The following COG5 variants were observed in gnomAD, a reference collection of about 807,000 sequenced individuals.
COG5 encodes the protein conserved oligomeric Golgi complex subunit 5.
COG5 carries 86 observed loss-of-function variants against 110.4 expected under a neutral mutation model. The ratio of observed to expected loss-of-function variants is 0.78; its 90% CI spans 0.65 to 0.93. The LOEUF (loss-of-function observed/expected upper bound fraction) is 0.93. Ranked by LOEUF, COG5 falls within the 40% of genes least tolerant of loss-of-function variation. The probability of loss-of-function intolerance (pLI) is 0.00; values close to 1 mark genes in which losing one functional copy is unlikely to be tolerated. For missense variants in COG5, 1,077 were observed against 987.0 expected (o/e 1.09, Z -1.22); for synonymous variants, 360 against 334.6 (o/e 1.08, Z -0.83).
intron 10 of COG5, among the ~76,000 whole-genome samples, chr7:107,338,904 C>A (rs928051914): frequency 6.6e-6 from 1 of 152,004 alleles, no homozygotes; most frequent in Non-Finnish European, 1.5e-5. Context: ...AAGAATGATA[C>A]CTGTTACTAC....
chr7:107,486,359 CCT>C (rs1157647443), intron 6 of COG5, among the ~76,000 whole-genome samples: 1 of 151,670 alleles, frequency 6.6e-6, no homozygotes, highest in Non-Finnish European at 1.5e-5. Flanking sequence ...ATTTTCAACC[CCT>C]GATCACAAAT....
chr7:107,292,597 G>C (rs1319369219), intron 12 of COG5, among the ~76,000 whole-genome samples: 1 of 152,144 alleles, frequency 6.6e-6, no homozygotes, highest in Admixed American at 6.5e-5. Flanking sequence ...CTTAAAGCAT[G>C]ACAAGATAAC....
intron 6 of COG5, among the ~76,000 whole-genome samples, chr7:107,455,015 T>C (rs973655505): frequency 1.3e-5 from 2 of 152,320 alleles, no homozygotes; most frequent in Admixed American, 6.5e-5. Context: ...GAAATGAGTA[T>C]GTAAAACACC....
intron 17 of COG5, among the ~76,000 whole-genome samples, chr7:107,239,626 CA>C (rs1461112231): frequency 6.6e-6 from 1 of 152,062 alleles, no homozygotes; most frequent in Non-Finnish European, 1.5e-5. Context: ...TGATTTCTTT[CA>C]TTGATGTTTT....
intron 6 of COG5, among the ~76,000 whole-genome samples, chr7:107,508,747 G>A (rs939108558): frequency 4.6e-5 from 7 of 152,254 alleles, no homozygotes; most frequent in African/African-American, 1.7e-4. Flanking sequence ...TACAGCCACC[G>A]CTGTTCTGCA....
intron 10 of COG5, among the ~76,000 whole-genome samples, chr7:107,331,116 T>C (rs1158299175): frequency 2.0e-5 from 3 of 152,204 alleles, no homozygotes; most frequent in Non-Finnish European, 4.4e-5. Flanking sequence ...ACATTCATCA[T>C]AGATATAATA....
intron 12 of COG5, among the ~76,000 whole-genome samples, chr7:107,291,521 T>C (rs1468265605): frequency 6.6e-6 from 1 of 152,228 alleles, no homozygotes; most frequent in African/African-American, 2.4e-5. Context: ...CAGTCTTAAA[T>C]CTCTGATGTT....
At chr7:107,421,976 C>A (rs987542845) in intron 6 of COG5, among the ~76,000 whole-genome samples, 7 of 152,044 alleles carry the variant, frequency 4.6e-5, no homozygotes, top group Non-Finnish European at 1.0e-4. Context: ...AATTTAATAA[C>A]ATTGTGTTTT....
At chr7:107,477,353 GAAAAACT>G (rs1797052456) in intron 6 of COG5, among the ~76,000 whole-genome samples, 1 of 151,434 alleles carries the variant, frequency 6.6e-6, no homozygotes. Flanking sequence ...TTCATATTAA[GAAAAACT>G]CCCTTGTGTT....
chr7:107,430,656 G>A (rs1055539078), intron 6 of COG5, among the ~76,000 whole-genome samples: 3 of 152,140 alleles, frequency 2.0e-5, no homozygotes, highest in Non-Finnish European at 4.4e-5. Context: ...ACACCAATTC[G>A]GATTCTGATA....
intron 7 of COG5, among the ~76,000 whole-genome samples, chr7:107,408,801 G>A (rs975845244): frequency 1.3e-5 from 2 of 152,124 alleles, no homozygotes; most frequent in Non-Finnish European, 2.9e-5. Flanking sequence ...TGCAATGAAG[G>A]TTATATAAAA....
intron 10 of COG5, among the ~76,000 whole-genome samples, chr7:107,345,194 T>C (rs1811491741): frequency 6.6e-6 from 1 of 152,134 alleles, no homozygotes; most frequent in Admixed American, 6.5e-5. Flanking sequence ...TGCCATCTTA[T>C]ATGGGGGCGT....
chr7:107,392,998 G>A (rs1470887033), intron 7 of COG5, among the ~76,000 whole-genome samples: 2 of 152,070 alleles, frequency 1.3e-5, no homozygotes, highest in East Asian at 3.9e-4. Context: ...TGTTCTCTGG[G>A]GAGCTTGATG....
chr7:107,216,358 A>G (rs568780699), intron 19 of COG5, among the ~76,000 whole-genome samples: 21 of 152,366 alleles, frequency 1.4e-4, no homozygotes, highest in Non-Finnish European at 1.9e-4. Flanking sequence ...TAGAAAGTTA[A>G]TAAGGAAACA....
At chr7:107,276,610 G>A (rs1434919582) in intron 14 of COG5, among the ~76,000 whole-genome samples, 3 of 152,128 alleles carry the variant, frequency 2.0e-5, no homozygotes, top group Non-Finnish European at 4.4e-5. Flanking sequence ...CCATGATCAT[G>A]CCACTGTACT....
At position 107,380,589 on chromosome 7, in the gene COG5, T is replaced by C. The variant is rs534317024; in HGVS notation, c.670-7829A>G. On this transcript the variant is annotated intron_variant, in intron 7 of 21. Coordinates refer to ENST00000297135, the MANE Select transcript of COG5 (RefSeq NM_006348.5). The stretch of plus-strand genomic sequence containing the variant: ...AGAAATGGATAAATTCCTGGACACA[T>C]ACACCCTCCCAAGACTAAACCAGGA... 3.9e-5 allele frequency among the ~76,000 whole-genome samples: 6 copies of C among 152,210 alleles called. No homozygotes were observed. In the South Asian group the frequency reaches 1.2e-3, roughly 32 times the overall value.
rs189754011 is a variant in COG5, at chr7:107,535,432, G to A, written c.418-8075C>T. On this transcript the variant is annotated intron_variant, in intron 5 of 21. Transcript: ENST00000297135. The stretch of plus-strand genomic sequence containing the variant: ...AACCACTAGCCAGACTAACACAGAA[G>A]AAAAGAGAAGAATCAAATAGACACA... Among the ~76,000 whole-genome samples, 697 of 151,586 alleles carry A rather than the reference G, an allele frequency of 4.6e-3. 38 individuals are homozygous for A. The highest frequency in any genetic ancestry group is 0.016 in the African/African-American group (667 of 40,998).
intron 7 of COG5, 130 bp from the exon 8 acceptor site, chr7:107,372,890 A>G: frequency 2.5e-6 from 2 of 805,612 alleles, no homozygotes; most frequent in Admixed American, 5.9e-5. Flanking sequence ...TTTTAAAATT[A>G]TCAAAGACAA....
intron 7 of COG5, among the ~76,000 whole-genome samples, chr7:107,374,077 A>C (rs1814425229): frequency 6.6e-6 from 1 of 152,118 alleles, no homozygotes; most frequent in Non-Finnish European, 1.5e-5. Flanking sequence ...TTCAAATTAA[A>C]ATGTTCTAAT....
Sources: allele counts gnomAD v4.1 joint callset (sites outside exome capture counted in the v4.1 genomes callset), GRCh38; gene constraint gnomAD v4.1.1; transcripts MANE v1.5; gene names NCBI Gene and HGNC (gene_info 2026-07-23, HGNC 2026-07-21).